Variants in ERBB4 observed in about 807,000 individuals in gnomAD.
ERBB4 encodes receptor tyrosine-protein kinase erbB-4.
A neutral mutation model predicts 158.0 loss-of-function variants in ERBB4; 42 were observed. The ratio of observed to expected loss-of-function variants is 0.27; its 90% CI spans 0.21 to 0.34. The LOEUF is 0.34. Among genes scored for constraint, ERBB4 ranks in the 10% least tolerant of loss-of-function variants. ERBB4 has a pLI of 1.00. For missense variants in ERBB4, 1,333 were observed against 1,624.1 expected, an observed-to-expected ratio of 0.82 and a Z score of 3.08; for synonymous variants, 583 against 558.7, an observed-to-expected ratio of 1.04 and a Z score of -0.61.
intron 3 of ERBB4, among the ~76,000 whole-genome samples, chr2:211,879,799 A>G (rs2078612419): frequency 6.6e-6 from 1 of 152,056 alleles, no homozygotes; most frequent in African/African-American, 2.4e-5. Context: ...AGAAATATCA[A>G]TCATACAAAA....
chr2:212,317,833 GA>G (rs113602546), intron 1 of ERBB4, among the ~76,000 whole-genome samples: 10 of 150,954 alleles, frequency 6.6e-5, no homozygotes, highest in African/African-American at 2.4e-4. Flanking sequence ...TGTCTACAAT[GA>G]AAAAAAATTC....
chr2:212,036,618 C>T (rs1402361798), intron 2 of ERBB4, among the ~76,000 whole-genome samples: 4 of 151,988 alleles, frequency 2.6e-5, no homozygotes, highest in Non-Finnish European at 5.9e-5. Flanking sequence ...GTGCCCGCCA[C>T]CACGCCCAGC....
chr2:211,890,132 A>G (rs1344122249), intron 3 of ERBB4, among the ~76,000 whole-genome samples: 17 of 82,588 alleles, frequency 2.1e-4, no homozygotes, highest in Admixed American at 1.1e-3. Flanking sequence ...AATGAAGGAA[A>G]AAATGTTAAG....
intron 19 of ERBB4, among the ~76,000 whole-genome samples, chr2:211,564,998 A>G (rs2067506714): frequency 6.6e-6 from 1 of 152,200 alleles, no homozygotes. Context: ...CTGAGATAAA[A>G]CACAAAGATA....
At chr2:211,966,873 C>A (rs2081324329) in intron 2 of ERBB4, among the ~76,000 whole-genome samples, 1 of 152,002 alleles carries the variant, frequency 6.6e-6, no homozygotes, top group South Asian at 2.1e-4. Context: ...CATTACTACC[C>A]AAGTTGTGTA....
Position 211,631,093 on chromosome 2 carries a change from T to C in ERBB4, c.1947-499A>G, listed in dbSNP as rs1416834677. On this transcript the variant is annotated intron_variant, in intron 16 of 27. Transcript: ENST00000342788. ...TTGTTGTCGCGAAGTGTCCTGTGCA[T>C]TTTAGGATGTTTAGTAGCATTCCTG... Among the ~76,000 whole-genome samples, 3 of 152,096 alleles carry C rather than the reference T, an allele frequency of 2.0e-5. No homozygotes were observed. In the East Asian group the frequency reaches 5.8e-4, roughly 29 times the overall value.
At chr2:211,865,622 G>A (rs189079994) in intron 3 of ERBB4, among the ~76,000 whole-genome samples, 209 of 152,086 alleles carry the variant, frequency 1.4e-3, no homozygotes, top group African/African-American at 4.9e-3. Context: ...CAAGTAGCTG[G>A]GATTTTCTGT....
chr2:212,342,119 C>A (rs2088750158), intron 1 of ERBB4, among the ~76,000 whole-genome samples: 1 of 152,174 alleles, frequency 6.6e-6, no homozygotes, highest in East Asian at 1.9e-4. Flanking sequence ...AACAAAACAT[C>A]CAGGCATGTT....
chr2:212,491,378 C>T (rs548448487), intron 1 of ERBB4, among the ~76,000 whole-genome samples: 1 of 151,680 alleles, frequency 6.6e-6, no homozygotes, highest in African/African-American at 2.4e-5. Flanking sequence ...CTTTATAACT[C>T]AGGATCCCCA....
At chr2:212,415,854 T>C (rs538145539) in intron 1 of ERBB4, among the ~76,000 whole-genome samples, 1 of 152,276 alleles carries the variant, frequency 6.6e-6, no homozygotes, top group Admixed American at 6.5e-5. Context: ...GACTTTTTAT[T>C]TGGAACATCC....
chr2:212,078,006 T>C (rs2125459747), intron 2 of ERBB4, among the ~76,000 whole-genome samples: 1 of 152,154 alleles, frequency 6.6e-6, no homozygotes, highest in East Asian at 1.9e-4. Flanking sequence ...ATATAAGAAA[T>C]GATCCATCAA....
intron 2 of ERBB4, among the ~76,000 whole-genome samples, chr2:211,973,039 C>T (rs1455024625): frequency 1.3e-5 from 2 of 151,846 alleles, no homozygotes; most frequent in Non-Finnish European, 2.9e-5. Flanking sequence ...GGTCTAATGT[C>T]CAGTATCTAT....
intron 3 of ERBB4, among the ~76,000 whole-genome samples, chr2:211,819,642 G>T (rs1361679524): frequency 6.6e-6 from 1 of 151,884 alleles, no homozygotes; most frequent in Non-Finnish European, 1.5e-5. Flanking sequence ...CTTTCACAAA[G>T]GTCTCAAAAT....
rs183464771 is a variant in ERBB4, at chr2:211,809,884, A to G, written c.422-21725T>C. On this transcript the variant is annotated intron_variant, in intron 3 of 27. Transcript: ENST00000342788. ...AAAAGTGTCCCAGAGATTCTGGTAC[A>G]TTTTGTCTTTGTTCTGATTGATTTC... is the stretch of plus-strand genomic sequence containing the variant. 5.9e-5 allele frequency among the ~76,000 whole-genome samples: 9 copies of G among 152,174 alleles called. No homozygotes were observed. The East Asian group carries it at 1.2e-3, about 20-fold the overall frequency.
chr2:211,468,776 G>C (rs1165069757), intron 20 of ERBB4, among the ~76,000 whole-genome samples: 5 of 152,030 alleles, frequency 3.3e-5, no homozygotes, highest in Admixed American at 3.3e-4. Context: ...TACTATCATG[G>C]TGCTTTCATC....
chr2:212,097,125 A>C (rs571124966), intron 2 of ERBB4, among the ~76,000 whole-genome samples: 1 of 152,304 alleles, frequency 6.6e-6, no homozygotes, highest in South Asian at 2.1e-4. Context: ...TTGAGATGAA[A>C]GATAAATGTT....
At chr2:211,409,613 A>T (rs2125374412) in intron 25 of ERBB4, among the ~76,000 whole-genome samples, 1 of 152,320 alleles carries the variant, frequency 6.6e-6, no homozygotes, top group Non-Finnish European at 1.5e-5. Flanking sequence ...TAAATCGAGC[A>T]GGGGCTCTGG....
rs937200800 is a variant in ERBB4 at position 211,722,595 on chromosome 2, C to A, written c.742-61G>T. On this transcript the variant is annotated intron_variant, in intron 6 of 27. Coordinates refer to ENST00000342788, the MANE Select transcript of ERBB4 (RefSeq NM_005235.3). ...AAACTCATAATACTTGTTAATGAAA[C>A]GCTGCCAAAACAGGAGAAGTTTTTT... 3.2e-6 allele frequency: 5 copies of A among 1,543,638 alleles called. No individual in the cohort carries two copies. In the East Asian group the frequency reaches 9.0e-5, roughly 28 times the overall value.
intron 2 of ERBB4, among the ~76,000 whole-genome samples, chr2:212,049,673 T>C (rs535512027): frequency 1.2e-3 from 182 of 152,328 alleles, no homozygotes; most frequent in Non-Finnish European, 2.1e-3. Flanking sequence ...GTTGTTGATA[T>C]TTTAGGTTAT....
Sources: allele counts gnomAD v4.1 joint callset (sites outside exome capture counted in the v4.1 genomes callset), GRCh38; gene constraint gnomAD v4.1.1; transcripts MANE v1.5; gene names NCBI Gene and HGNC (gene_info 2026-07-23, HGNC 2026-07-21).